The following GRIK4 variants were observed in gnomAD, a reference collection of about 807,000 sequenced individuals.
GRIK4 encodes the protein glutamate ionotropic receptor kainate type subunit 4.
GRIK4 carries 40 observed loss-of-function variants against 104.9 expected under a neutral mutation model. That is an observed-to-expected ratio of 0.38 (90% confidence interval 0.30 to 0.50). The LOEUF (loss-of-function observed/expected upper bound fraction) is 0.50, where lower values mean the gene tolerates loss of function less well. Ranked by LOEUF, GRIK4 falls within the 20% of genes least tolerant of loss-of-function variation. The pLI is 0.93. For missense variants in GRIK4, 1,047 were observed against 1,308.1 expected (o/e 0.80, Z 3.08); for synonymous variants, 485 against 524.9 (o/e 0.92, Z 1.04).
At chr11:120,881,687 C>A (rs1175837421) in intron 11 of GRIK4, among the ~76,000 whole-genome samples, 1 of 152,222 alleles carries the variant, frequency 6.6e-6, no homozygotes, top group Non-Finnish European at 1.5e-5. Flanking sequence ...CAGGTCCCAC[C>A]TTTTGCTAGG....
In GRIK4 at chr11:120,832,179, CG is replaced by C. The variant is rs1339428783; in HGVS notation, c.690+151del. 1.4e-5 allele frequency: 8 copies of C among 553,972 alleles called. No homozygotes were observed. The African/African-American group carries it at 1.5e-4, about 11-fold the overall frequency. 34.3% of individuals were successfully genotyped at this position (553,972 alleles called of 1,614,324 possible). A position where few individuals can be genotyped will look rare whatever the true frequency, so the allele number is the denominator to read the frequency against. On this transcript the variant is annotated intron_variant, in intron 7 of 20. Transcript: ENST00000527524. The stretch of plus-strand genomic sequence containing the variant: ...TCTCTGTGCTTCTGTTTTCAATGAG[CG>C]GTTCCCGAAAAATGAAAGAAGAAAG...
intron 1 of GRIK4, among the ~76,000 whole-genome samples, chr11:120,594,035 T>A (rs1948769705): frequency 6.6e-6 from 1 of 152,214 alleles, no homozygotes; most frequent in South Asian, 2.1e-4. Flanking sequence ...GACAGTAGCC[T>A]CCTAATTGGT....
At chr11:120,602,228 A>C (rs546764906) in intron 1 of GRIK4, among the ~76,000 whole-genome samples, 1 of 152,116 alleles carries the variant, frequency 6.6e-6, no homozygotes, top group Admixed American at 6.5e-5. Context: ...CCCCCCTTCT[A>C]GTTTCTCTAA....
intron 3 of GRIK4, among the ~76,000 whole-genome samples, chr11:120,779,210 G>C (rs1263954719): frequency 6.6e-6 from 1 of 152,190 alleles, no homozygotes; most frequent in African/African-American, 2.4e-5. Flanking sequence ...ACCATTCTTG[G>C]AGAAGGTAGT....
chr11:120,960,817 G>A, intron 16 of GRIK4, 92 bp from the exon 17 acceptor site: 1 of 937,324 alleles, frequency 1.1e-6, no homozygotes, highest in East Asian at 2.5e-5. Flanking sequence ...AAGATGCCTG[G>A]TCTCTCCCAT....
intron 11 of GRIK4, chr11:120,894,906 C>G (rs1555087908): frequency 7.0e-6 from 1 of 143,434 alleles, no homozygotes; most frequent in Non-Finnish European, 1.5e-5. Context: ...CACTGCCTTT[C>G]TGCAATTAGA....
At chr11:120,703,767 C>T (rs1011757470) in intron 3 of GRIK4, among the ~76,000 whole-genome samples, 2 of 152,182 alleles carry the variant, frequency 1.3e-5, no homozygotes, top group South Asian at 4.2e-4. Context: ...ATTACTATTT[C>T]GGTTGTGTCT....
chr11:120,919,017 T>G (rs1009327826), intron 13 of GRIK4, among the ~76,000 whole-genome samples: 1 of 152,220 alleles, frequency 6.6e-6, no homozygotes, highest in African/African-American at 2.4e-5. Context: ...GTCACACAGC[T>G]AACAAGTGAT....
chr11:120,767,297 A>G (rs1261869466), intron 3 of GRIK4, among the ~76,000 whole-genome samples: 1 of 152,218 alleles, frequency 6.6e-6, no homozygotes. Context: ...CCTGAGGATA[A>G]GTGATCTTGA....
chr11:120,744,847 A>C (rs887282899), intron 3 of GRIK4, among the ~76,000 whole-genome samples: 1 of 152,238 alleles, frequency 6.6e-6, no homozygotes, highest in African/African-American at 2.4e-5. Context: ...TATTTATATA[A>C]GAGAACAGCA....
At chr11:120,847,578 C>T (rs556960221) in intron 8 of GRIK4, among the ~76,000 whole-genome samples, 4 of 152,316 alleles carry the variant, frequency 2.6e-5, no homozygotes, top group African/African-American at 9.6e-5. Context: ...GTTAATGGCT[C>T]ATGCATCCCA....
chr11:120,982,643 CAGGTTG>C (rs925376581), intron 20 of GRIK4, among the ~76,000 whole-genome samples: 11 of 152,158 alleles, frequency 7.2e-5, no homozygotes, highest in Admixed American at 2.6e-4. Flanking sequence ...AAACTTTACC[CAGGTTG>C]AACAGTTTGA....
At chr11:120,824,712 G>T (rs920127194) in intron 6 of GRIK4, among the ~76,000 whole-genome samples, 1 of 151,620 alleles carries the variant, frequency 6.6e-6, no homozygotes, top group Non-Finnish European at 1.5e-5. Flanking sequence ...ACCACGCCTG[G>T]CTAATTTTTT....
chr11:120,757,705 C>T (rs2135434531), intron 3 of GRIK4, among the ~76,000 whole-genome samples: 1 of 152,282 alleles, frequency 6.6e-6, no homozygotes, highest in East Asian at 1.9e-4. Context: ...ATGGAGCCAC[C>T]AGTTCTCCCT....
intron 20 of GRIK4, among the ~76,000 whole-genome samples, chr11:120,984,929 C>T (rs1399584619): frequency 6.7e-6 from 1 of 148,700 alleles, no homozygotes; most frequent in Non-Finnish European, 1.5e-5. Context: ...CCCAGGTTTA[C>T]GTGATTTTCC....
chr11:120,660,379 A>G lies in GRIK4; in HGVS notation c.61A>G (p.Ser21Gly). The G allele has an allele frequency of 6.2e-7, 1 of 1,612,988 alleles. No homozygotes were observed. Among genetic ancestry groups the G allele is most frequent in the African/African-American group, 1.3e-5 (1 of 75,032 alleles). Residue 21 changes from serine to glycine, a missense_variant, in exon 3 of 21, where the codon AGC (serine) becomes GGC (glycine). Transcript: ENST00000527524. Reference sequence around the variant, plus strand: ...TGCGTGGCTCGTGATGGTCGCCTGCAGCCCGCACTCCTTGAGGATCGGTAA... The same window carrying G: ...TGCGTGGCTCGTGATGGTCGCCTGCGGCCCGCACTCCTTGAGGATCGGTAA... ...LPAWLVMVAC[S>G]PHSLRIAAIL...
chr11:120,702,061 T>C lies in GRIK4; in HGVS notation c.82+41661T>C, dbSNP rs1294272224. 8.1e-5 allele frequency among the ~76,000 whole-genome samples: 12 copies of C among 148,668 alleles called. No individual in the cohort carries two copies. In the Admixed American group the frequency reaches 8.3e-4, roughly 10 times the overall value. On this transcript the variant is annotated intron_variant, in intron 3 of 20. Coordinates refer to ENST00000527524, the MANE Select transcript of GRIK4 (RefSeq NM_014619.5). ...ATCTCTGCCTCCCAGGTTCAAGCAATTGTCTTGCCTCAGCCACCCGAGTAG... is the reference window on the plus strand; with the variant it reads ...ATCTCTGCCTCCCAGGTTCAAGCAACTGTCTTGCCTCAGCCACCCGAGTAG...
intron 13 of GRIK4, among the ~76,000 whole-genome samples, chr11:120,932,247 G>T (rs1469036672): frequency 2.1e-5 from 3 of 143,540 alleles, no homozygotes; most frequent in East Asian, 2.0e-4. Flanking sequence ...GCCTGTATTT[G>T]TTCACCATAG....
intron 3 of GRIK4, among the ~76,000 whole-genome samples, chr11:120,752,135 A>G (rs1951566601): frequency 6.6e-6 from 1 of 152,212 alleles, no homozygotes; most frequent in Non-Finnish European, 1.5e-5. Flanking sequence ...AGAAGAGATC[A>G]CCAACTTCTT....
Sources: gnomAD v4.1 joint callset for allele counts (sites outside exome capture counted in the v4.1 genomes callset) on GRCh38, gnomAD v4.1.1 for gene constraint, MANE v1.5 for transcripts, NCBI Gene and HGNC (gene_info 2026-07-23, HGNC 2026-07-21) for gene names.